NXPH2: variants seen among roughly 807,000 people sequenced by gnomAD.
The protein encoded by NXPH2 is neurexophilin 2, also known as neurexophilin-2.
Under a neutral mutation model 19.8 loss-of-function variants are expected in NXPH2, and 5 were observed. The ratio of observed to expected loss-of-function variants is 0.25; its 90% CI spans 0.13 to 0.53. The LOEUF is 0.53. Ranked by LOEUF, NXPH2 falls within the 20% of genes least tolerant of loss-of-function variation. NXPH2 has a pLI of 0.96. For missense variants in NXPH2, 289 were observed against 322.8 expected (o/e 0.90, Z 0.80); for synonymous variants, 154 against 127.4 (o/e 1.21, Z -1.41).
chr2:138,714,574 C>T (rs938502263), intron 1 of NXPH2, among the ~76,000 whole-genome samples: 1 of 152,060 alleles, frequency 6.6e-6, no homozygotes, highest in Admixed American at 6.6e-5. Flanking sequence ...AGCAGGCAGA[C>T]TGTGTTCGCT....
At chr2:138,735,163 C>T (rs1215557522) in intron 1 of NXPH2, among the ~76,000 whole-genome samples, 2 of 152,172 alleles carry the variant, frequency 1.3e-5, no homozygotes, top group African/African-American at 2.4e-5. Context: ...ATGAGGTAAT[C>T]AGCCTCCTAT....
intron 1 of NXPH2, among the ~76,000 whole-genome samples, chr2:138,776,563 G>A (rs540766314): frequency 7.3e-5 from 11 of 150,866 alleles, no homozygotes; most frequent in African/African-American, 2.7e-4. Context: ...CTTATAATGA[G>A]GAGTTCATTT....
chr2:138,743,854 TTA>T (rs961209730), intron 1 of NXPH2, among the ~76,000 whole-genome samples: 5 of 151,748 alleles, frequency 3.3e-5, no homozygotes, highest in African/African-American at 1.2e-4. Context: ...AGTACAAAAA[TTA>T]GTCAGGCATG....
At chr2:138,746,573 C>T (rs1041323722) in intron 1 of NXPH2, among the ~76,000 whole-genome samples, 2 of 152,198 alleles carry the variant, frequency 1.3e-5, no homozygotes, top group African/African-American at 2.4e-5. Flanking sequence ...CCCAAAACTG[C>T]CACAATGGAT....
chr2:138,757,859 A>G (rs1321746311), intron 1 of NXPH2, among the ~76,000 whole-genome samples: 1 of 120,802 alleles, frequency 8.3e-6, no homozygotes, highest in Non-Finnish European at 1.8e-5. Context: ...CTATCTATCT[A>G]TCTATCTCCC....
rs780355942 is a variant in NXPH2, at chr2:138,671,277, C to A, written c.440G>T (p.Arg147Leu). 1 of 1,613,654 alleles carries A rather than the reference C, an allele frequency of 6.2e-7. No individual in the cohort carries two copies. The highest frequency in any genetic ancestry group is 8.5e-7 in the Non-Finnish European group (1 of 1,179,812). The change falls in exon 2 of 2, where the codon CGA (arginine) becomes CTA (leucine). Residue 147 changes from arginine (R) to leucine (L), a missense_variant. Transcript: ENST00000272641. Reference sequence around the variant, plus strand: ...ATTGCCCAGGCCTGTTGAATTATGTCGGAAATACACACTGAAGGTTCCATT... The same window carrying A: ...ATTGCCCAGGCCTGTTGAATTATGTAGGAAATACACACTGAAGGTTCCATT... ...HGNGTFSVYFRHNSTGLGNVS... is the reference protein window; with the variant it reads ...HGNGTFSVYFLHNSTGLGNVS...
At chr2:138,713,962 A>C (rs1048969199) in intron 1 of NXPH2, among the ~76,000 whole-genome samples, 23 of 142,226 alleles carry the variant, frequency 1.6e-4, no homozygotes, top group African/African-American at 5.6e-4. Flanking sequence ...ACAAAGAAAC[A>C]AACAAAAAAG....
chr2:138,779,925 C>T (rs1682323873), intron 1 of NXPH2, among the ~76,000 whole-genome samples: 1 of 152,194 alleles, frequency 6.6e-6, no homozygotes, highest in Non-Finnish European at 1.5e-5. Flanking sequence ...CCCGGACCTA[C>T]TTCCCGGCCA....
chr2:138,709,602 T>G (rs1681066802), intron 1 of NXPH2, among the ~76,000 whole-genome samples: 1 of 152,160 alleles, frequency 6.6e-6, no homozygotes, highest in South Asian at 2.1e-4. Context: ...GACAAATGTA[T>G]AATGACATGT....
chr2:138,676,799 T>G (rs13012479), intron 1 of NXPH2, among the ~76,000 whole-genome samples: 5,992 of 152,238 alleles, frequency 0.039, 183 homozygotes, highest in Non-Finnish European at 0.065. Flanking sequence ...AATGGTTAAT[T>G]GAGCAACTTG....
At chr2:138,751,074 C>T (rs1172767157) in intron 1 of NXPH2, among the ~76,000 whole-genome samples, 1 of 136,438 alleles carries the variant, frequency 7.3e-6, no homozygotes, top group Non-Finnish European at 1.6e-5. Context: ...TCCTGCATAG[C>T]ATCCTTTACT....
At chr2:138,710,716 T>C (rs1681092841) in intron 1 of NXPH2, among the ~76,000 whole-genome samples, 2 of 152,142 alleles carry the variant, frequency 1.3e-5, no homozygotes, top group Admixed American at 6.5e-5. Context: ...TCTCCATTAG[T>C]TTCCCTCACT....
intron 1 of NXPH2, among the ~76,000 whole-genome samples, chr2:138,685,374 G>T (rs991022312): frequency 6.6e-6 from 1 of 152,094 alleles, no homozygotes; most frequent in African/African-American, 2.4e-5. Context: ...TAATAGATAT[G>T]CTCATGTGTA....
chr2:138,772,650 C>T (rs1682197907), intron 1 of NXPH2, among the ~76,000 whole-genome samples: 1 of 152,130 alleles, frequency 6.6e-6, no homozygotes, highest in Non-Finnish European at 1.5e-5. Context: ...CCCAAGAATT[C>T]ATTTGTTCTA....
intron 1 of NXPH2, among the ~76,000 whole-genome samples, chr2:138,743,626 T>A (rs1328000397): frequency 1.3e-5 from 2 of 152,158 alleles, no homozygotes; most frequent in African/African-American, 2.4e-5. Context: ...CACCTGTGAA[T>A]ATACTGAAAC....
intron 1 of NXPH2, among the ~76,000 whole-genome samples, chr2:138,729,342 C>T (rs1681409968): frequency 6.6e-6 from 1 of 152,172 alleles, no homozygotes; most frequent in African/African-American, 2.4e-5. Context: ...ACTGGGCTCT[C>T]ATTCTTCTCT....
intron 1 of NXPH2, among the ~76,000 whole-genome samples, chr2:138,717,729 A>G (rs1437906542): frequency 6.6e-6 from 1 of 152,032 alleles, no homozygotes; most frequent in East Asian, 1.9e-4. Context: ...GAGGAATCAA[A>G]TGGATCCCAA....
intron 1 of NXPH2, among the ~76,000 whole-genome samples, chr2:138,779,541 C>T (rs1682316034): frequency 6.6e-6 from 1 of 151,960 alleles, no homozygotes; most frequent in Admixed American, 6.6e-5. Context: ...CTTCGAGATG[C>T]CCGAGAGGGG....
intron 1 of NXPH2, among the ~76,000 whole-genome samples, chr2:138,725,701 C>T (rs1188930449): frequency 2.0e-5 from 3 of 152,136 alleles, no homozygotes; most frequent in Non-Finnish European, 1.5e-5. Flanking sequence ...TATAATTGTT[C>T]TTTGTATTTA....
Sources: gnomAD v4.1 joint callset for allele counts (sites outside exome capture counted in the v4.1 genomes callset) on GRCh38, gnomAD v4.1.1 for gene constraint, MANE v1.5 for transcripts, NCBI Gene and HGNC (gene_info 2026-07-23, HGNC 2026-07-21) for gene names.